The following CHMP3 variants were observed in gnomAD, a reference collection of about 807,000 sequenced individuals.
The protein encoded by CHMP3 is charged multivesicular body protein 3.
Under a neutral mutation model 27.4 loss-of-function variants are expected in CHMP3, and 8 were observed. The observed-to-expected ratio is 0.29, with a 90% CI of 0.17 to 0.53. The LOEUF is 0.53. CHMP3 is among the 20% of genes least tolerant of loss of function. The pLI is 0.96. For missense variants in CHMP3, 208 were observed against 271.5 expected, an observed-to-expected ratio of 0.77 and a Z score of 1.64; for synonymous variants, 86 against 85.5, an observed-to-expected ratio of 1.01 and a Z score of -0.03.
At chr2:86,547,513 C>A (rs1046214833) in intron 1 of CHMP3, among the ~76,000 whole-genome samples, 3 of 152,182 alleles carry the variant, frequency 2.0e-5, no homozygotes, top group East Asian at 1.9e-4. Flanking sequence ...TGCTTCTCAA[C>A]CTGAACTACA....
chr2:86,505,976 C>A, intron 5 of CHMP3, 27 bp from the exon 6 acceptor site: 1 of 1,521,066 alleles, frequency 6.6e-7, no homozygotes, highest in African/African-American at 1.4e-5. Flanking sequence ...AAGATGAACA[C>A]CACATTGGCT....
At position 86,503,999 on chromosome 2, in the gene CHMP3, T is replaced by A. The variant is rs992242719; in HGVS notation, c.*1805A>T. 1 of 152,122 alleles carries A rather than the reference T, an allele frequency of 6.6e-6. No individual in the cohort carries two copies. The highest frequency in any genetic ancestry group is 2.4e-5 in the African/African-American group (1 of 41,404). The allele number at this position is 152,122 out of a possible 1,614,324, so 9.4% of individuals were successfully genotyped here. ...TTGGGTACTAGGCTTAGTACCTGGGTCACTAAATAATCTGTATAACAAACC... is the reference window on the plus strand; with the variant it reads ...TTGGGTACTAGGCTTAGTACCTGGGACACTAAATAATCTGTATAACAAACC... On this transcript the variant is annotated 3_prime_UTR_variant, in exon 6 of 6. Transcript: ENST00000263856.
chr2:86,554,686 C>T (rs773934658), intron 1 of CHMP3, among the ~76,000 whole-genome samples: 1 of 151,996 alleles, frequency 6.6e-6, no homozygotes, highest in Non-Finnish European at 1.5e-5. Context: ...CAAAAATTTC[C>T]CTTGTACATA....
At chr2:86,561,033 T>C (rs1181379445) in intron 1 of CHMP3, among the ~76,000 whole-genome samples, 1 of 152,156 alleles carries the variant, frequency 6.6e-6, no homozygotes, top group Non-Finnish European at 1.5e-5. Flanking sequence ...CAATTTGACA[T>C]GAGATTTGGC....
chr2:86,517,731 T>C (rs892196740), intron 3 of CHMP3, among the ~76,000 whole-genome samples: 1 of 151,386 alleles, frequency 6.6e-6, no homozygotes, highest in African/African-American at 2.4e-5. Context: ...TTTTAAAAAT[T>C]AGCAAATAAA....
chr2:86,537,896 C>T (rs944450344), intron 2 of CHMP3, among the ~76,000 whole-genome samples: 9 of 152,052 alleles, frequency 5.9e-5, no homozygotes, highest in Non-Finnish European at 8.8e-5. Flanking sequence ...TTATTTGATC[C>T]AGTAATGCTA....
At chr2:86,512,078 C>T (rs1425751742) in intron 3 of CHMP3, 2 of 152,212 alleles carry the variant, frequency 1.3e-5, no homozygotes, top group African/African-American at 4.8e-5. Context: ...AAAGGCCAGA[C>T]TAATTGTATG....
At chr2:86,507,271 T>C in intron 5 of CHMP3, 1 of 515,888 alleles carries the variant, frequency 1.9e-6, no homozygotes, top group Non-Finnish European at 3.5e-6. Flanking sequence ...TTTAAAATCA[T>C]GCAAACTCTA....
intron 1 of CHMP3, 62 bp downstream of exon 1, chr2:86,563,242 T>C (rs1677463386): frequency 3.2e-6 from 5 of 1,587,154 alleles, no homozygotes; most frequent in Non-Finnish European, 4.3e-6. Context: ...TCCTGTCATT[T>C]ACCAACTTCA....
intron 4 of CHMP3, among the ~76,000 whole-genome samples, chr2:86,507,908 T>C (rs1019874013): frequency 6.6e-6 from 1 of 152,084 alleles, no homozygotes; most frequent in Middle Eastern, 3.2e-3. Flanking sequence ...GACAGATGAG[T>C]GTATTTCCAG....
intron 1 of CHMP3, among the ~76,000 whole-genome samples, chr2:86,552,019 A>G (rs1226166347): frequency 1.3e-5 from 2 of 152,246 alleles, no homozygotes; most frequent in Non-Finnish European, 1.5e-5. Flanking sequence ...GTCTCAGGCT[A>G]GGAATTCACA....
intron 1 of CHMP3, among the ~76,000 whole-genome samples, chr2:86,554,823 G>A (rs1038946611): frequency 4.1e-5 from 6 of 147,228 alleles, no homozygotes; most frequent in African/African-American, 1.5e-4. Flanking sequence ...GCGCGTGTGT[G>A]TGTGTGTGTG....
intron 1 of CHMP3, among the ~76,000 whole-genome samples, chr2:86,552,264 G>A (rs764514416): frequency 5.9e-5 from 9 of 152,032 alleles, no homozygotes; most frequent in African/African-American, 1.2e-4. Context: ...TGATACCACC[G>A]GATATTATTA....
chr2:86,562,501 A>G (rs751412666), intron 1 of CHMP3, among the ~76,000 whole-genome samples: 13 of 152,130 alleles, frequency 8.5e-5, no homozygotes, highest in Non-Finnish European at 1.8e-4. Flanking sequence ...CTAACTACCA[A>G]TATGAAAACT....
At chr2:86,530,133 C>G (rs1022346152) in intron 2 of CHMP3, among the ~76,000 whole-genome samples, 1 of 152,124 alleles carries the variant, frequency 6.6e-6, no homozygotes, top group African/African-American at 2.4e-5. Flanking sequence ...GCTGGGATTA[C>G]AAGCACCCAC....
chr2:86,508,307 A>C (rs1674963941), intron 4 of CHMP3, among the ~76,000 whole-genome samples: 1 of 152,148 alleles, frequency 6.6e-6, no homozygotes. Flanking sequence ...ACACAAGCAA[A>C]TGGCTTTAAC....
intron 2 of CHMP3, 35 bp downstream of exon 2, chr2:86,542,216 AG>A (rs774820589): frequency 6.2e-7 from 1 of 1,605,126 alleles, no homozygotes; most frequent in South Asian, 1.1e-5. Context: ...ATATACCAAG[AG>A]GGTGAAAAAT....
intron 3 of CHMP3, among the ~76,000 whole-genome samples, chr2:86,522,425 C>T: frequency 6.6e-6 from 1 of 152,220 alleles, no homozygotes. Context: ...ACCAACACAA[C>T]AACCCTGTCT....
intron 1 of CHMP3, among the ~76,000 whole-genome samples, chr2:86,555,016 T>C (rs1427691515): frequency 6.6e-6 from 1 of 152,112 alleles, no homozygotes; most frequent in East Asian, 1.9e-4. Flanking sequence ...CCAGCTAATT[T>C]TTGTATTTTT....
Sources: gnomAD v4.1 joint callset for allele counts (sites outside exome capture counted in the v4.1 genomes callset) on GRCh38, gnomAD v4.1.1 for gene constraint, MANE v1.5 for transcripts, NCBI Gene and HGNC (gene_info 2026-07-23, HGNC 2026-07-21) for gene names.